ADARB2: variants seen among roughly 807,000 people sequenced by gnomAD.
ADARB2 encodes the protein inactive double-stranded RNA-specific editase B2.
A neutral mutation model predicts 62.2 loss-of-function variants in ADARB2; 25 were observed. The ratio of observed to expected loss-of-function variants is 0.40; its 90% confidence interval spans 0.29 to 0.56. The LOEUF is 0.56. Among genes scored for constraint, ADARB2 ranks in the 20% least tolerant of loss-of-function variants. The pLI is 0.43. For missense variants in ADARB2, 1,071 were observed against 1,077.4 expected, an observed-to-expected ratio of 0.99 and a Z score of 0.08; for synonymous variants, 572 against 500.8, an observed-to-expected ratio of 1.14 and a Z score of -1.90.
Position 1,183,388 on chromosome 10 carries a change from AAG to A in ADARB2, c.2044-21_2044-20del, listed in dbSNP as rs753035256. ...TGCTCAGCTGCGGACAAGAAGGAGA[AAG>A]AGCCAATCAGACACCAGCAGAAAAG... On this transcript the variant is annotated intron_variant, in intron 9 of 9. Coordinates refer to ENST00000381312, the MANE Select transcript of ADARB2 (RefSeq NM_018702.4). The A allele has an allele frequency of 5.0e-6, 8 of 1,601,992 alleles. No individual in the cohort carries two copies. Among genetic ancestry groups the A allele is most frequent in the Non-Finnish European group, 6.8e-6 (8 of 1,169,892 alleles).
chr10:1,363,986 T>C, intron 2 of ADARB2, 69 bp from the exon 3 acceptor site: 1 of 1,396,880 alleles, frequency 7.2e-7, no homozygotes, highest in African/African-American at 1.5e-5. Flanking sequence ...CAGCAGGCAC[T>C]CCCTGAGGGT....
chr10:1,227,520 G>T (rs1830759298), intron 6 of ADARB2, among the ~76,000 whole-genome samples: 2 of 152,174 alleles, frequency 1.3e-5, no homozygotes, highest in African/African-American at 4.8e-5. Flanking sequence ...CTGTAGACCG[G>T]AGCTGTTCCT....
At chr10:1,344,462 C>T (rs934500221) in intron 3 of ADARB2, among the ~76,000 whole-genome samples, 9 of 152,172 alleles carry the variant, frequency 5.9e-5, no homozygotes, top group African/African-American at 1.7e-4. Flanking sequence ...TAAAGTTACA[C>T]TTACAGAGGG....
At position 1,183,378 on chromosome 10, in the gene ADARB2, A is replaced by G; in HGVS notation, c.2044-9T>C. On this transcript the variant is annotated splice_polypyrimidine_tract_variant and intron_variant, in intron 9 of 9. Coordinates refer to ENST00000381312, the MANE Select transcript of ADARB2 (RefSeq NM_018702.4). The stretch of plus-strand genomic sequence containing the variant: ...GGTGTCCGTGTGCTCAGCTGCGGAC[A>G]AGAAGGAGAAAGAGCCAATCAGACA... 3 of 1,604,752 alleles carry G rather than the reference A, an allele frequency of 1.9e-6. No individual in the cohort carries two copies. Among genetic ancestry groups the G allele is most frequent in the Middle Eastern group, 3.3e-4 (2 of 6,034 alleles).
At chr10:1,734,494 T>C (rs1048942756) in intron 1 of ADARB2, among the ~76,000 whole-genome samples, 1 of 152,152 alleles carries the variant, frequency 6.6e-6, no homozygotes, top group Non-Finnish European at 1.5e-5. Flanking sequence ...ATAAGAAGCA[T>C]ATCATGCCAA....
At chr10:1,333,448 T>C (rs1831946821) in intron 3 of ADARB2, among the ~76,000 whole-genome samples, 1 of 152,110 alleles carries the variant, frequency 6.6e-6, no homozygotes, top group Admixed American at 6.5e-5. Context: ...GGCTCCCAGG[T>C]CCAGGACCTC....
chr10:1,383,166 A>G (rs558914576), intron 1 of ADARB2, among the ~76,000 whole-genome samples: 1 of 152,336 alleles, frequency 6.6e-6, no homozygotes, highest in East Asian at 1.9e-4. Flanking sequence ...AGGGCACAGC[A>G]GCCCTTGCCT....
chr10:1,323,166 G>A (rs1241259995), intron 3 of ADARB2, among the ~76,000 whole-genome samples: 1 of 151,652 alleles, frequency 6.6e-6, no homozygotes, highest in Non-Finnish European at 1.5e-5. Context: ...ATCTGAATCT[G>A]AGGAAGTCTA....
chr10:1,462,311 T>C (rs569525925), intron 1 of ADARB2, among the ~76,000 whole-genome samples: 133 of 152,304 alleles, frequency 8.7e-4, no homozygotes, highest in African/African-American at 3.0e-3. Flanking sequence ...AGCCCTTTAG[T>C]GAAAGAGAGC....
At chr10:1,381,516 GA>G (rs1457760724) in intron 1 of ADARB2, among the ~76,000 whole-genome samples, 1 of 152,234 alleles carries the variant, frequency 6.6e-6, no homozygotes, top group East Asian at 1.9e-4. Flanking sequence ...CCAAATAATG[GA>G]AACTCAAGGA....
At chr10:1,296,921 C>T (rs548203543) in intron 3 of ADARB2, among the ~76,000 whole-genome samples, 124 of 152,332 alleles carry the variant, frequency 8.1e-4, no homozygotes, top group African/African-American at 2.8e-3. Context: ...CTGTCCTGCC[C>T]GCTGCCTTCA....
chr10:1,654,174 G>C (rs1230745295), intron 1 of ADARB2, among the ~76,000 whole-genome samples: 1 of 152,182 alleles, frequency 6.6e-6, no homozygotes, highest in African/African-American at 2.4e-5. Flanking sequence ...GAAATGGGGT[G>C]AAATGAATCT....
chr10:1,316,163 A>C (rs1831737287), intron 3 of ADARB2, among the ~76,000 whole-genome samples: 1 of 152,246 alleles, frequency 6.6e-6, no homozygotes, highest in Non-Finnish European at 1.5e-5. Flanking sequence ...CAGATGGGGC[A>C]GCAGAGATGC....
chr10:1,459,861 A>C (rs1831145598), intron 1 of ADARB2, among the ~76,000 whole-genome samples: 1 of 152,254 alleles, frequency 6.6e-6, no homozygotes, highest in African/African-American at 2.4e-5. Flanking sequence ...GGATCAGGAA[A>C]AATAACGAAT....
Position 1,465,833 on chromosome 10 carries a change from C to T in ADARB2, c.101-86673G>A, listed in dbSNP as rs545945739. ...GGGCCCCCAGAGCTAGAGCCTCCCTCGGGCGGTCCTGGCTGACTCACTCTC... is the reference window on the plus strand; with the variant it reads ...GGGCCCCCAGAGCTAGAGCCTCCCTTGGGCGGTCCTGGCTGACTCACTCTC... On this transcript the variant is annotated intron_variant, in intron 1 of 9. Coordinates refer to ENST00000381312, the MANE Select transcript of ADARB2 (RefSeq NM_018702.4). Among the ~76,000 whole-genome samples, 221 of 152,336 alleles carry T rather than the reference C, an allele frequency of 1.5e-3. 1 individual carries two copies. Among genetic ancestry groups the T allele is most frequent in the African/African-American group, 4.3e-3 (178 of 41,588 alleles).
intron 1 of ADARB2, among the ~76,000 whole-genome samples, chr10:1,459,880 G>T (rs1393077203): frequency 6.6e-6 from 1 of 152,250 alleles, no homozygotes; most frequent in Non-Finnish European, 1.5e-5. Context: ...ATGTGCATGA[G>T]GCTTAACACC....
chr10:1,479,731 G>T (rs772601178), intron 1 of ADARB2, among the ~76,000 whole-genome samples: 1 of 152,136 alleles, frequency 6.6e-6, no homozygotes, highest in Non-Finnish European at 1.5e-5. Flanking sequence ...TTATTTGAGG[G>T]ATTCATTTTA....
intron 1 of ADARB2, among the ~76,000 whole-genome samples, chr10:1,656,870 T>C (rs1834177693): frequency 1.3e-5 from 2 of 152,074 alleles, no homozygotes; most frequent in South Asian, 2.1e-4. Flanking sequence ...GGATTTTTTT[T>C]CCATGCCATG....
At chr10:1,729,274 T>C (rs1835203547) in intron 1 of ADARB2, among the ~76,000 whole-genome samples, 1 of 152,258 alleles carries the variant, frequency 6.6e-6, no homozygotes, top group Non-Finnish European at 1.5e-5. Flanking sequence ...CCCAAATTTA[T>C]AAAAACAATG....
Sources: gnomAD v4.1 joint callset for allele counts (sites outside exome capture counted in the v4.1 genomes callset) on GRCh38, gnomAD v4.1.1 for gene constraint, MANE v1.5 for transcripts, NCBI Gene and HGNC (gene_info 2026-07-23, HGNC 2026-07-21) for gene names.